Variants in DCDC1 observed in about 807,000 individuals in gnomAD.
The protein encoded by DCDC1 is doublecortin domain containing 1.
In DCDC1, 200 loss-of-function variants were observed where a neutral mutation model predicts 178.3. The observed-to-expected ratio is 1.12, with a 90% CI of 1.00 to 1.26. The LOEUF is 1.26. Ranked by LOEUF, DCDC1 falls within the 50% of genes most tolerant of loss-of-function variation. The probability of loss-of-function intolerance (pLI) is 0.00; values close to 1 mark genes in which losing one functional copy is unlikely to be tolerated. For missense variants in DCDC1, 1,983 were observed against 1,749.2 expected, an observed-to-expected ratio of 1.13 and a Z score of -2.38; for synonymous variants, 690 against 604.8, an observed-to-expected ratio of 1.14 and a Z score of -2.07.
chr11:31,113,292 G>A (rs754047934), intron 11 of DCDC1, among the ~76,000 whole-genome samples: 13 of 151,770 alleles, frequency 8.6e-5, no homozygotes, highest in Non-Finnish European at 1.9e-4. Flanking sequence ...TTTCTTTTTT[G>A]TTTGTTTGTT....
intron 20 of DCDC1, among the ~76,000 whole-genome samples, chr11:31,058,963 G>A (rs935065458): frequency 2.6e-5 from 4 of 151,986 alleles, no homozygotes; most frequent in Non-Finnish European, 5.9e-5. Context: ...TAGTTTGGGG[G>A]CTGCAAGTTT....
At chr11:30,910,493 G>C (rs1009915630) in intron 28 of DCDC1, among the ~76,000 whole-genome samples, 6 of 152,062 alleles carry the variant, frequency 3.9e-5, no homozygotes, top group African/African-American at 1.2e-4. Context: ...TTTGGATTCA[G>C]GGCCTGCAAA....
chr11:31,064,831 A>G (rs1204009148), intron 19 of DCDC1, among the ~76,000 whole-genome samples, 188 bp downstream of exon 19: 2 of 152,198 alleles, frequency 1.3e-5, no homozygotes, highest in Non-Finnish European at 2.9e-5. Flanking sequence ...ATGTTTATAT[A>G]AAGTTATATG....
intron 22 of DCDC1, among the ~76,000 whole-genome samples, chr11:30,927,156 T>A (rs897022165): frequency 1.3e-5 from 2 of 152,188 alleles, no homozygotes; most frequent in African/African-American, 4.8e-5. Flanking sequence ...TTCTTCTCCC[T>A]GTGGCCTTCT....
At chr11:30,912,774 A>G (rs1056473799) in intron 27 of DCDC1, among the ~76,000 whole-genome samples, 6 of 152,124 alleles carry the variant, frequency 3.9e-5, no homozygotes, top group Non-Finnish European at 8.8e-5. Context: ...TTCTTGGGCA[A>G]TCTCCTTCAG....
chr11:31,062,843 T>C (rs765350151), intron 20 of DCDC1, among the ~76,000 whole-genome samples: 3 of 151,544 alleles, frequency 2.0e-5, no homozygotes, highest in Non-Finnish European at 4.4e-5. Context: ...ATGTGCACAA[T>C]GTGCAGGTTT....
intron 9 of DCDC1, among the ~76,000 whole-genome samples, chr11:31,197,320 T>G (rs1162506294): frequency 6.6e-6 from 1 of 152,146 alleles, no homozygotes; most frequent in East Asian, 1.9e-4. Flanking sequence ...TGTTCATTAT[T>G]TCTTTGTATA....
intron 10 of DCDC1, among the ~76,000 whole-genome samples, chr11:31,129,142 C>A (rs1452993105): frequency 6.7e-6 from 1 of 149,018 alleles, no homozygotes; most frequent in Non-Finnish European, 1.5e-5. Flanking sequence ...AAGTTAGTGA[C>A]AGCCAGTGTG....
chr11:31,101,181 A>G (rs1039169401), intron 15 of DCDC1, among the ~76,000 whole-genome samples: 1 of 152,186 alleles, frequency 6.6e-6, no homozygotes, highest in Non-Finnish European at 1.5e-5. Flanking sequence ...AGGAAGTCCT[A>G]CTTTCTTTGG....
At chr11:31,211,575 A>G (rs979602525) in intron 9 of DCDC1, among the ~76,000 whole-genome samples, 2 of 152,164 alleles carry the variant, frequency 1.3e-5, no homozygotes, top group African/African-American at 4.8e-5. Flanking sequence ...AGACATGCCT[A>G]GATACTTTGT....
chr11:31,293,521 C>A (rs1384114321), intron 6 of DCDC1, among the ~76,000 whole-genome samples: 1 of 152,106 alleles, frequency 6.6e-6, no homozygotes. Flanking sequence ...CCTCACAGAA[C>A]CCTCAGAGCG....
intron 23 of DCDC1, among the ~76,000 whole-genome samples, chr11:30,924,643 A>AC (rs1018409130): frequency 6.6e-6 from 1 of 152,194 alleles, no homozygotes; most frequent in Non-Finnish European, 1.5e-5. Flanking sequence ...TTAAACAACT[A>AC]CATTTTGAAG....
chr11:30,904,810 T>C lies in DCDC1; in HGVS notation c.4308+151A>G, dbSNP rs924603131. The C allele has an allele frequency of 3.5e-6, 3 of 857,194 alleles. No homozygotes were observed. The African/African-American group carries it at 5.1e-5, about 15-fold the overall frequency. 53.1% of individuals were successfully genotyped at this position (857,194 alleles called of 1,614,324 possible). A position where few individuals can be genotyped will look rare whatever the true frequency, so the allele number is the denominator to read the frequency against. ...GACATACAATCAAATAAAATGTCTT[T>C]AAGTAAACAGAGATCTTCATCTCAT... On this transcript the variant is annotated intron_variant, in intron 31 of 38. Coordinates refer to ENST00000684477, the MANE Select transcript of DCDC1 (RefSeq NM_001387274.1).
chr11:31,213,099 G>GCCTCTCTC (rs1972846768), intron 9 of DCDC1, among the ~76,000 whole-genome samples: 2 of 29,458 alleles, frequency 6.8e-5, no homozygotes, highest in Non-Finnish European at 1.3e-4. Flanking sequence ...ATAAAGCCCA[G>GCCTCTCTC]CCTCTCTCTC....
At chr11:31,213,253 A>G (rs1276703142) in intron 9 of DCDC1, among the ~76,000 whole-genome samples, 1 of 150,140 alleles carries the variant, frequency 6.7e-6, no homozygotes, top group African/African-American at 2.5e-5. Flanking sequence ...GATATTTTCT[A>G]TTCAGGGTCT....
rs546693456 is a variant in DCDC1 at position 31,064,427 on chromosome 11, A to C, written c.2591+42T>G. The C allele has an allele frequency of 5.9e-6, 4 of 683,434 alleles. No individual in the cohort carries two copies. In the South Asian group the frequency reaches 6.7e-5, roughly 11 times the overall value. 42.3% of individuals were successfully genotyped at this position (683,434 alleles called of 1,614,324 possible). On this transcript the variant is annotated intron_variant, in intron 20 of 38. Coordinates refer to ENST00000684477, the MANE Select transcript of DCDC1 (RefSeq NM_001387274.1). Reference sequence around the variant, plus strand: ...TACATGAAACTGAAGGAAAATATCGAATGTCATTGAGCAATAAAGCTCAGT... The same window carrying C: ...TACATGAAACTGAAGGAAAATATCGCATGTCATTGAGCAATAAAGCTCAGT...
At chr11:30,995,585 A>G (rs1352962080) in intron 20 of DCDC1, among the ~76,000 whole-genome samples, 1 of 152,172 alleles carries the variant, frequency 6.6e-6, no homozygotes, top group Non-Finnish European at 1.5e-5. Flanking sequence ...CAAAAGAGAG[A>G]GCCCAGAAAT....
At chr11:30,936,486 T>C (rs928889159) in intron 21 of DCDC1, among the ~76,000 whole-genome samples, 1 of 152,182 alleles carries the variant, frequency 6.6e-6, no homozygotes, top group Non-Finnish European at 1.5e-5. Flanking sequence ...ATAATTTCCC[T>C]TAACACCCTT....
intron 7 of DCDC1, among the ~76,000 whole-genome samples, chr11:31,273,410 G>T (rs990232283): frequency 6.6e-6 from 1 of 152,052 alleles, no homozygotes; most frequent in Non-Finnish European, 1.5e-5. Flanking sequence ...CAATTTCAAA[G>T]TTCCACAAAT....
Sources: gnomAD v4.1 joint callset for allele counts (sites outside exome capture counted in the v4.1 genomes callset) on GRCh38, gnomAD v4.1.1 for gene constraint, MANE v1.5 for transcripts, NCBI Gene and HGNC (gene_info 2026-07-23, HGNC 2026-07-21) for gene names.